The following GYPB variants were observed in gnomAD, a reference collection of about 807,000 sequenced individuals.
The protein encoded by GYPB is glycophorin B (MNS blood group), also known as glycophorin-B.
Under a neutral mutation model 15.3 loss-of-function variants are expected in GYPB, and 13 were observed. The ratio of observed to expected loss-of-function variants is 0.85; its 90% CI spans 0.55 to 1.35. The LOEUF is 1.35. GYPB is among the 40% of genes most tolerant of loss of function. The pLI, the probability that GYPB is intolerant of heterozygous loss-of-function variation, is 0.00. For synonymous variants in GYPB, 38 were observed against 36.9 expected, an observed-to-expected ratio of 1.03 and a Z score of -0.11; for missense variants, 131 against 108.3, an observed-to-expected ratio of 1.21 and a Z score of -0.93.
At chr4:144,011,142 A>T (rs1728199380) in intron 1 of GYPB, among the ~76,000 whole-genome samples, 1 of 140,672 alleles carries the variant, frequency 7.1e-6, no homozygotes, top group Admixed American at 7.3e-5. Flanking sequence ...ACATTTTGGG[A>T]GGCTGAGGCA....
chr4:144,007,908 T>G (rs150085844), intron 1 of GYPB, among the ~76,000 whole-genome samples: 2,610 of 151,388 alleles, frequency 0.017, 172 homozygotes, highest in African/African-American at 0.049. Context: ...GAGCAACTGG[T>G]ACTATAGGTG....
intron 1 of GYPB, among the ~76,000 whole-genome samples, chr4:144,014,580 T>A (rs1306866640): frequency 3.3e-5 from 5 of 151,320 alleles, no homozygotes; most frequent in Admixed American, 3.3e-4. Context: ...CTAAAATGGG[T>A]AAATCTGTAG....
intron 4 of GYPB, chr4:143,997,338 A>G: frequency 2.1e-6 from 1 of 472,648 alleles, no homozygotes; most frequent in Non-Finnish European, 3.9e-6. Context: ...ACAGACTTAT[A>G]TTTAGAGGTT....
At chr4:144,016,807 G>C in intron 1 of GYPB, 1 of 449,986 alleles carries the variant, frequency 2.2e-6, no homozygotes, top group Non-Finnish European at 4.4e-6. Flanking sequence ...CTTACCTCCT[G>C]TTTCAGAATT....
chr4:143,996,798 A>G (rs952428079), intron 4 of GYPB, among the ~76,000 whole-genome samples: 13 of 150,874 alleles, frequency 8.6e-5, no homozygotes, highest in Admixed American at 5.3e-4. Flanking sequence ...AACTTTAATG[A>G]TTCAAAAAAA....
chr4:143,997,774 CT>C, intron 3 of GYPB, 140 bp from the exon 4 acceptor site: 2 of 615,084 alleles, frequency 3.3e-6, no homozygotes, highest in Admixed American at 2.4e-5. Flanking sequence ...TGTATTTTGT[CT>C]TTTTTTAAAT....
At chr4:144,016,395 CT>C (rs1728503435) in intron 1 of GYPB, among the ~76,000 whole-genome samples, 1 of 149,408 alleles carries the variant, frequency 6.7e-6, no homozygotes, top group African/African-American at 2.5e-5. Context: ...CTCCTCTCTT[CT>C]TTCCTTCCTT....
intron 2 of GYPB, chr4:144,000,371 C>T (rs1279021894): frequency 2.3e-5 from 18 of 795,086 alleles, no homozygotes; most frequent in Non-Finnish European, 3.0e-5. Context: ...CTATTTAAAA[C>T]TAAGAACATA....
intron 1 of GYPB, chr4:144,012,310 T>A (rs1728254616): frequency 6.6e-6 from 1 of 151,550 alleles, no homozygotes; most frequent in Non-Finnish European, 1.5e-5. Context: ...TGGAACTGCC[T>A]AGGCTCAAAC....
At chr4:144,017,247 A>T (rs1439463262) in intron 1 of GYPB, among the ~76,000 whole-genome samples, 2 of 150,770 alleles carry the variant, frequency 1.3e-5, no homozygotes, top group African/African-American at 5.0e-5. Context: ...CTCCATTTGG[A>T]AGAAGATCTC....
At chr4:143,996,998 C>T (rs1405917004) in intron 4 of GYPB, among the ~76,000 whole-genome samples, 6 of 150,628 alleles carry the variant, frequency 4.0e-5, no homozygotes, top group Non-Finnish European at 7.4e-5. Context: ...CCTTGATTTC[C>T]GAGGCTCAAG....
At chr4:144,008,432 A>G in intron 1 of GYPB, 1 of 455,312 alleles carries the variant, frequency 2.2e-6, no homozygotes, top group South Asian at 1.5e-5. Context: ...TACCTCTAAC[A>G]TAGCATTGTA....
chr4:144,009,355 A>G (rs1728092230), intron 1 of GYPB, among the ~76,000 whole-genome samples: 1 of 151,076 alleles, frequency 6.6e-6, no homozygotes, highest in Non-Finnish European at 1.5e-5. Flanking sequence ...AGTATTAGTA[A>G]ACTTCCTATG....
At chr4:144,008,924 C>A (rs1728070218) in intron 1 of GYPB, among the ~76,000 whole-genome samples, 1 of 151,450 alleles carries the variant, frequency 6.6e-6, no homozygotes, top group Non-Finnish European at 1.5e-5. Context: ...TAAACTTCAT[C>A]TTCCTGAGTT....
Position 144,010,177 on chromosome 4 carries a change from T to A in GYPB, c.38-8894A>T, listed in dbSNP as rs932357615. Among the ~76,000 whole-genome samples the A allele has an allele frequency of 5.3e-5, 8 of 151,218 alleles. 1 individual carries two copies. The highest frequency in any genetic ancestry group is 7.4e-5 in the African/African-American group (3 of 40,578). On this transcript the variant is annotated intron_variant, in intron 1 of 4. Transcript: ENST00000502664. ...TTGTCACTGGCACTAAAAAATTAAGTTGTAGTCTAGGTGTGGTGGCTCATG... is the reference window on the plus strand; with the variant it reads ...TTGTCACTGGCACTAAAAAATTAAGATGTAGTCTAGGTGTGGTGGCTCATG...
intron 1 of GYPB, among the ~76,000 whole-genome samples, chr4:144,015,241 C>T (rs997478803): frequency 1.3e-5 from 2 of 151,128 alleles, no homozygotes; most frequent in Admixed American, 6.6e-5. Flanking sequence ...ATAAATAAAA[C>T]CTTACAATCC....
In GYPB at chr4:144,006,423, A is replaced by G. The variant is rs71620705; in HGVS notation, c.38-5140T>C. 8.0e-3 allele frequency among the ~76,000 whole-genome samples: 1,208 copies of G among 151,296 alleles called. 8 individuals carry two copies. The highest frequency in any genetic ancestry group is 0.012 in the Non-Finnish European group (779 of 67,448). ...GGGGCCCAAGACATGTTAGGATAACAACTGGAAATAGCCAGCCTCCTAGCT... is the reference window on the plus strand; with the variant it reads ...GGGGCCCAAGACATGTTAGGATAACGACTGGAAATAGCCAGCCTCCTAGCT... On this transcript the variant is annotated intron_variant, in intron 1 of 4. Transcript: ENST00000502664.
chr4:144,002,932 A>G (rs994397028), intron 1 of GYPB, among the ~76,000 whole-genome samples: 1 of 151,148 alleles, frequency 6.6e-6, no homozygotes, highest in Non-Finnish European at 1.5e-5. Flanking sequence ...TCATGTGTTT[A>G]TAAACGATTG....
chr4:144,004,213 T>C (rs1469976776), intron 1 of GYPB, among the ~76,000 whole-genome samples: 1 of 151,864 alleles, frequency 6.6e-6, no homozygotes, highest in Non-Finnish European at 1.5e-5. Context: ...AATAAACATA[T>C]AAATGCCCTA....
Sources: gnomAD v4.1 joint callset for allele counts (sites outside exome capture counted in the v4.1 genomes callset) on GRCh38, gnomAD v4.1.1 for gene constraint, MANE v1.5 for transcripts, NCBI Gene and HGNC (gene_info 2026-07-23, HGNC 2026-07-21) for gene names.